Variants in EVL observed in about 807,000 individuals in gnomAD.
The protein encoded by EVL is Enah/Vasp-like, also known as ena/VASP-like protein.
Under a neutral mutation model 59.6 loss-of-function variants are expected in EVL, and 21 were observed. The observed-to-expected ratio is 0.35, with a 90% CI of 0.25 to 0.51. The LOEUF is 0.51. EVL is among the 20% of genes least tolerant of loss of function. EVL has a pLI of 0.97. For synonymous variants in EVL, 198 were observed against 203.5 expected, an observed-to-expected ratio of 0.97 and a Z score of 0.23; for missense variants, 462 against 546.6, an observed-to-expected ratio of 0.85 and a Z score of 1.54.
chr14:100,126,770 A>C lies in EVL; in HGVS notation c.486A>C (p.Thr162=). Residue 162 remains threonine (T), a splice_region_variant and synonymous_variant, in exon 5 of 14, where the codon ACA becomes ACC. Coordinates refer to ENST00000392920, the MANE Select transcript of EVL (RefSeq NM_016337.3). ...CTCTAGAAAGAAGAACCTCGGCCAC[A>C]GGTGAGAGCCCTCCTCCCCTAGGGC... ...QESLERRTSA[T]GPILPPGHPS... 1 of 1,613,786 alleles carries C rather than the reference A, an allele frequency of 6.2e-7. No individual in the cohort carries two copies. The highest frequency in any genetic ancestry group is 2.2e-5 in the East Asian group (1 of 44,880).
In EVL at chr14:100,128,553, A is replaced by G; in HGVS notation, c.522A>G (p.Ala174=). The change falls in exon 6 of 14, where the codon GCA becomes GCG. Residue 174 remains alanine (A), a synonymous_variant. Transcript: ENST00000392920. ...PILPPGHPSS[A]ASAPVSCSGP... is the part of the protein sequence containing the mutation. ...TCCCACCAGGACATCCTTCATCTGC[A>G]GCCAGCGCCCCCGTCTCATGTAGTG... 2 of 1,611,404 alleles carry G rather than the reference A, an allele frequency of 1.2e-6. No homozygotes were observed. Among genetic ancestry groups the G allele is most frequent in the Non-Finnish European group, 1.7e-6 (2 of 1,179,750 alleles).
At position 100,007,134 on chromosome 14, in the gene EVL, T is replaced by C. The variant is rs1031841828; in HGVS notation, c.5+35077T>C. 5.9e-5 allele frequency among the ~76,000 whole-genome samples: 9 copies of C among 152,144 alleles called. 1 individual carries two copies. Among genetic ancestry groups the C allele is most frequent in the African/African-American group, 2.2e-4 (9 of 41,438 alleles). On this transcript the variant is annotated intron_variant, in intron 1 of 13. Transcript: ENST00000402714. ...ACAGCCTCAACAGGTCCTGACGATA[T>C]GTGCTCATGGTGGTCGGGGCACAGT...
At chr14:100,090,379 A>G (rs954466239) in intron 2 of EVL, among the ~76,000 whole-genome samples, 2 of 152,184 alleles carry the variant, frequency 1.3e-5, no homozygotes, top group African/African-American at 2.4e-5. Context: ...ATAAAGAAGA[A>G]ACAATGCCAG....
chr14:100,017,926 G>A (rs2061064365), intron 1 of EVL, among the ~76,000 whole-genome samples: 1 of 152,240 alleles, frequency 6.6e-6, no homozygotes, highest in Non-Finnish European at 1.5e-5. Context: ...CTTCGAGACG[G>A]AGATAACTGT....
At chr14:100,053,482 C>T (rs2061678776) in intron 1 of EVL, among the ~76,000 whole-genome samples, 1 of 152,024 alleles carries the variant, frequency 6.6e-6, no homozygotes, top group Non-Finnish European at 1.5e-5. Context: ...TTACTGCCTT[C>T]TGTTCTTCAT....
intron 12 of EVL, 130 bp from the exon 13 acceptor site, chr14:100,141,606 G>T (rs968573813): frequency 2.5e-6 from 2 of 803,586 alleles, no homozygotes; most frequent in Middle Eastern, 3.7e-4. Flanking sequence ...GGGCCACGAG[G>T]AGACAAGGGT....
intron 3 of EVL, among the ~76,000 whole-genome samples, chr14:100,104,538 A>G (rs1595184338): frequency 6.6e-6 from 1 of 152,374 alleles, no homozygotes. Flanking sequence ...AGCTCTCCAC[A>G]CTAGTGTGAG....
At chr14:99,995,257 T>C (rs573046284) in intron 1 of EVL, among the ~76,000 whole-genome samples, 1 of 152,240 alleles carries the variant, frequency 6.6e-6, no homozygotes, top group African/African-American at 2.4e-5. Context: ...AGATGTCCAT[T>C]ATTTACATGT....
At chr14:100,038,369 C>T (rs2061417538) in intron 1 of EVL, among the ~76,000 whole-genome samples, 1 of 152,168 alleles carries the variant, frequency 6.6e-6, no homozygotes, top group African/African-American at 2.4e-5. Context: ...TCTGTTGGGC[C>T]TTCAGAATAT....
intron 4 of EVL, among the ~76,000 whole-genome samples, chr14:100,125,292 A>G (rs918813228): frequency 7.7e-6 from 1 of 129,198 alleles, no homozygotes; most frequent in Non-Finnish European, 1.7e-5. Flanking sequence ...ACACACACAC[A>G]CGGCAGGGAG....
chr14:100,142,573 C>T (rs761302827), intron 13 of EVL, among the ~76,000 whole-genome samples: 6 of 152,190 alleles, frequency 3.9e-5, no homozygotes, highest in Non-Finnish European at 5.9e-5. Flanking sequence ...TCACAGTGAC[C>T]GGGGCAAAAG....
intron 2 of EVL, among the ~76,000 whole-genome samples, chr14:100,095,886 C>G (rs75404853): frequency 0.13 from 20,138 of 152,118 alleles, 2,790 homozygotes; most frequent in African/African-American, 0.35. Flanking sequence ...CACCACCATT[C>G]TCGGCTTATT....
At chr14:99,982,839 A>C (rs560515602) in intron 1 of EVL, among the ~76,000 whole-genome samples, 1 of 152,344 alleles carries the variant, frequency 6.6e-6, no homozygotes, top group South Asian at 2.1e-4. Context: ...CCTGGGTTTT[A>C]GAGTCAGACC....
intron 1 of EVL, among the ~76,000 whole-genome samples, chr14:100,040,221 T>G (rs1183111485): frequency 6.6e-6 from 1 of 152,226 alleles, no homozygotes; most frequent in Admixed American, 6.5e-5. Context: ...CCAGCTCCTT[T>G]TGTTCCGCTT....
At chr14:100,035,829 A>T (rs1390694539) in intron 1 of EVL, among the ~76,000 whole-genome samples, 1 of 152,192 alleles carries the variant, frequency 6.6e-6, no homozygotes, top group African/African-American at 2.4e-5. Flanking sequence ...AATCTGACCT[A>T]ACTACCTGTC....
chr14:100,047,494 A>C (rs1373444043), intron 1 of EVL, among the ~76,000 whole-genome samples: 1 of 150,896 alleles, frequency 6.6e-6, no homozygotes, highest in Non-Finnish European at 1.5e-5. Context: ...CAGAGCTCAC[A>C]CTCTCTTTCC....
chr14:100,059,949 T>A (rs570561761), intron 1 of EVL, among the ~76,000 whole-genome samples: 1 of 152,132 alleles, frequency 6.6e-6, no homozygotes, highest in African/African-American at 2.4e-5. Context: ...AGTAGACATA[T>A]AGAGTCAGAA....
At chr14:100,116,515 A>T (rs1351255106) in intron 3 of EVL, among the ~76,000 whole-genome samples, 2 of 152,084 alleles carry the variant, frequency 1.3e-5, no homozygotes, top group Admixed American at 6.5e-5. Context: ...GAGCCTCATA[A>T]ATGTTCAGGG....
At chr14:100,009,668 A>AT (rs1020682289) in intron 1 of EVL, among the ~76,000 whole-genome samples, 6 of 152,202 alleles carry the variant, frequency 3.9e-5, no homozygotes, top group Admixed American at 1.3e-4. Flanking sequence ...ACTGTAAAAT[A>AT]TTTTAGGAGA....
Sources: gnomAD v4.1 joint callset for allele counts (sites outside exome capture counted in the v4.1 genomes callset) on GRCh38, gnomAD v4.1.1 for gene constraint, MANE v1.5 for transcripts, NCBI Gene and HGNC (gene_info 2026-07-23, HGNC 2026-07-21) for gene names.